The following GRM8 variants were observed in gnomAD, a reference collection of about 807,000 sequenced individuals.
GRM8 encodes the protein glutamate metabotropic receptor 8, also known as metabotropic glutamate receptor 8.
Under a neutral mutation model 87.2 loss-of-function variants are expected in GRM8, and 47 were observed. The ratio of observed to expected loss-of-function variants is 0.54; its 90% CI spans 0.43 to 0.69. GRM8 has a LOEUF of 0.69. Among genes scored for constraint, GRM8 ranks in the 30% least tolerant of loss-of-function variants. GRM8 has a pLI of 0.00. For missense variants in GRM8, 1,019 were observed against 1,139.2 expected (o/e 0.89, Z 1.52); for synonymous variants, 396 against 404.5 (o/e 0.98, Z 0.25).
intron 6 of GRM8, among the ~76,000 whole-genome samples, chr7:126,876,493 A>T (rs1239769598): frequency 6.6e-6 from 1 of 152,148 alleles, no homozygotes; most frequent in Non-Finnish European, 1.5e-5. Flanking sequence ...CGGATAGGAA[A>T]ATCTGTCTTT....
chr7:126,793,778 TA>T (rs1245987401), intron 6 of GRM8, among the ~76,000 whole-genome samples: 2 of 152,172 alleles, frequency 1.3e-5, no homozygotes, highest in Admixed American at 6.5e-5. Context: ...CAGAGAAACT[TA>T]GAAAATATAT....
At chr7:127,023,527 A>G (rs966607432) in intron 3 of GRM8, among the ~76,000 whole-genome samples, 3 of 152,140 alleles carry the variant, frequency 2.0e-5, no homozygotes, top group Non-Finnish European at 4.4e-5. Flanking sequence ...GTGGTATTTA[A>G]GGAGAAAATT....
At chr7:126,667,010 G>C (rs1224005157) in intron 7 of GRM8, among the ~76,000 whole-genome samples, 2 of 151,948 alleles carry the variant, frequency 1.3e-5, no homozygotes, top group Non-Finnish European at 2.9e-5. Flanking sequence ...AAATATAGCT[G>C]GTCTCAAGGT....
At chr7:126,653,884 G>A (rs1804218446) in intron 7 of GRM8, among the ~76,000 whole-genome samples, 2 of 152,136 alleles carry the variant, frequency 1.3e-5, no homozygotes, top group Admixed American at 1.3e-4. Context: ...GGATACAATT[G>A]AACACAAGGC....
At chr7:127,226,684 G>A (rs992256339) in intron 2 of GRM8, among the ~76,000 whole-genome samples, 6 of 152,190 alleles carry the variant, frequency 3.9e-5, no homozygotes, top group Admixed American at 6.5e-5. Flanking sequence ...GAAAATTAAC[G>A]CCTCAAGTTA....
intron 8 of GRM8, among the ~76,000 whole-genome samples, chr7:126,539,774 T>C (rs1816321594): frequency 6.6e-6 from 1 of 151,954 alleles, no homozygotes; most frequent in Admixed American, 6.6e-5. Context: ...GTTATACACC[T>C]ACCTCACACT....
At chr7:126,869,595 G>T (rs1798906166) in intron 6 of GRM8, 1 of 152,114 alleles carries the variant, frequency 6.6e-6, no homozygotes, top group Non-Finnish European at 1.5e-5. Flanking sequence ...TAATCACTTT[G>T]TACACTTCCA....
intron 3 of GRM8, among the ~76,000 whole-genome samples, chr7:127,030,705 G>T (rs868818136): frequency 3.3e-5 from 5 of 152,112 alleles, no homozygotes; most frequent in African/African-American, 1.2e-4. Flanking sequence ...ATGCTGAATA[G>T]TACTGGTAGT....
chr7:127,158,297 G>T (rs934344102), intron 2 of GRM8, among the ~76,000 whole-genome samples: 1 of 152,116 alleles, frequency 6.6e-6, no homozygotes, highest in African/African-American at 2.4e-5. Flanking sequence ...GTCCTAATCT[G>T]AAAGGCCAGC....
intron 7 of GRM8, among the ~76,000 whole-genome samples, chr7:126,612,013 C>G (rs1293601015): frequency 6.6e-6 from 1 of 152,122 alleles, no homozygotes; most frequent in Non-Finnish European, 1.5e-5. Flanking sequence ...GGTTCAAACG[C>G]CCCTCTGTCA....
At chr7:126,489,996 C>T (rs1312544206) in intron 9 of GRM8, among the ~76,000 whole-genome samples, 3 of 151,994 alleles carry the variant, frequency 2.0e-5, no homozygotes, top group African/African-American at 7.2e-5. Flanking sequence ...CTCCCAACCC[C>T]CCTGTAGTTT....
intron 3 of GRM8, among the ~76,000 whole-genome samples, chr7:126,954,962 T>A (rs1808523050): frequency 6.6e-6 from 1 of 152,174 alleles, no homozygotes. Context: ...CACTGTAAGA[T>A]TTTCCTGTAA....
At chr7:127,024,455 TAGTC>T (rs67919797) in intron 3 of GRM8, among the ~76,000 whole-genome samples, 1,669 of 152,176 alleles carry the variant, frequency 0.011, 24 homozygotes, top group African/African-American at 0.037. Flanking sequence ...GTTAATACGA[TAGTC>T]AGAAAATAGA....
Position 126,769,991 on chromosome 7 carries a change from A to G in GRM8, c.1231T>C (p.Ser411Pro), listed in dbSNP as rs544016597. The change falls in exon 7 of 11, where the codon TCC becomes CCC. Residue 411 changes from serine to proline, a missense_variant. By Grantham distance (74) the Ser-to-Pro change is moderately conservative. Coordinates refer to ENST00000339582, the MANE Select transcript of GRM8 (RefSeq NM_000845.3). ...KVQFVIDAVYSMAYALHNMHK... is the reference protein window; with the variant it reads ...KVQFVIDAVYPMAYALHNMHK... ...ATATTGTGCAGGGCGTAAGCCATGG[A>G]ATATACAGCATCAATTACAAATTGG... 1 of 1,612,552 alleles carries G rather than the reference A, an allele frequency of 6.2e-7. No individual in the cohort carries two copies. Among genetic ancestry groups the G allele is most frequent in the East Asian group, 2.2e-5 (1 of 44,798 alleles).
intron 8 of GRM8, among the ~76,000 whole-genome samples, chr7:126,562,879 AAGAGCAAAACTCC>A (rs1793857449): frequency 2.0e-5 from 3 of 152,246 alleles, no homozygotes; most frequent in Admixed American, 2.0e-4. Flanking sequence ...CCTGGGCAAC[AAGAGCAAAACTCC>A]ATCTCAAATA....
chr7:127,146,322 T>G (rs929786671), intron 2 of GRM8, among the ~76,000 whole-genome samples: 2 of 151,654 alleles, frequency 1.3e-5, no homozygotes, highest in African/African-American at 4.8e-5. Flanking sequence ...CTGAAGAGAG[T>G]GTAGGAGATA....
chr7:127,218,138 G>A (rs17869374), intron 2 of GRM8, among the ~76,000 whole-genome samples: 12,062 of 152,226 alleles, frequency 0.079, 510 homozygotes, highest in African/African-American at 0.096. Flanking sequence ...TCTTAGCTTC[G>A]CTCTGTTCCA....
intron 2 of GRM8, among the ~76,000 whole-genome samples, chr7:127,185,443 C>T (rs1794681883): frequency 2.6e-5 from 4 of 151,942 alleles, no homozygotes. Context: ...AGACATAGGC[C>T]TTATACCTTT....
intron 8 of GRM8, among the ~76,000 whole-genome samples, chr7:126,598,499 C>T (rs1001504626): frequency 1.2e-4 from 18 of 152,076 alleles, no homozygotes; most frequent in Non-Finnish European, 2.4e-4. Flanking sequence ...TGAGTATGAA[C>T]TAAAATTCAC....
Sources: allele counts gnomAD v4.1 joint callset (sites outside exome capture counted in the v4.1 genomes callset), GRCh38; gene constraint gnomAD v4.1.1; transcripts MANE v1.5; gene names NCBI Gene and HGNC (gene_info 2026-07-23, HGNC 2026-07-21).